The following TERF2 variants were observed in gnomAD, a reference collection of about 807,000 sequenced individuals.
The protein encoded by TERF2 is telomeric repeat binding factor 2.
A neutral mutation model predicts 56.1 loss-of-function variants in TERF2; 16 were observed. That is an observed-to-expected ratio of 0.29 (90% CI 0.19 to 0.43). TERF2 has a LOEUF of 0.43. TERF2 is among the 20% of genes least tolerant of loss of function. The pLI, the probability that TERF2 is intolerant of heterozygous loss-of-function variation, is 1.00. For synonymous variants in TERF2, 296 were observed against 282.1 expected (o/e 1.05, Z -0.50); for missense variants, 547 against 712.9 (o/e 0.77, Z 2.65).
At chr16:69,357,118 C>T in intron 9 of TERF2, 62 bp from the exon 10 acceptor site, 3 of 1,519,312 alleles carry the variant, frequency 2.0e-6, no homozygotes, top group Non-Finnish European at 2.7e-6. Flanking sequence ...ACATTTTCTC[C>T]AATGTAGTGA....
At chr16:69,362,871 A>G (rs941911346) in intron 7 of TERF2, among the ~76,000 whole-genome samples, 1 of 152,072 alleles carries the variant, frequency 6.6e-6, no homozygotes, top group East Asian at 1.9e-4. Flanking sequence ...ATAGAGACAA[A>G]TTTCTGTATT....
chr16:69,367,606 A>G (rs1307403104), intron 6 of TERF2, among the ~76,000 whole-genome samples: 2 of 152,172 alleles, frequency 1.3e-5, no homozygotes, highest in Admixed American at 1.3e-4. Flanking sequence ...AAGGCATGCC[A>G]CACAGTCTTG....
intron 9 of TERF2, 82 bp downstream of exon 9, chr16:69,357,436 G>T (rs769859915): frequency 1.2e-4 from 141 of 1,205,492 alleles, no homozygotes; most frequent in Non-Finnish European, 1.6e-4. Flanking sequence ...TACATAACCA[G>T]TCTATACCTG....
intron 6 of TERF2, 129 bp downstream of exon 6, chr16:69,368,247 G>C: frequency 1.2e-6 from 1 of 819,622 alleles, no homozygotes; most frequent in Non-Finnish European, 1.9e-6. Flanking sequence ...CCAGTGCCTT[G>C]TATGAGTAAC....
chr16:69,368,525 T>C (rs776673070), intron 5 of TERF2, 43 bp from the exon 6 acceptor site: 17 of 1,610,520 alleles, frequency 1.1e-5, no homozygotes, highest in African/African-American at 2.7e-5. Context: ...GGCCACAGAA[T>C]TGCATTAATT....
intron 3 of TERF2, among the ~76,000 whole-genome samples, chr16:69,375,606 A>G (rs2013748807): frequency 6.6e-6 from 1 of 152,168 alleles, no homozygotes; most frequent in African/African-American, 2.4e-5. Flanking sequence ...AACACTTTTT[A>G]TAGTTAGGGT....
intron 3 of TERF2, among the ~76,000 whole-genome samples, chr16:69,378,449 CAAGA>C (rs1156900369): frequency 6.6e-6 from 1 of 152,146 alleles, no homozygotes; most frequent in Non-Finnish European, 1.5e-5. Context: ...GGGGCCAGGG[CAAGA>C]AAGAAGCGAA....
rs1249085240 is a variant in TERF2, at chr16:69,363,278, A to C, written c.1341-1789T>G. Among the ~76,000 whole-genome samples, 4 of 152,194 alleles carry C rather than the reference A, an allele frequency of 2.6e-5. No individual in the cohort carries two copies. In the East Asian group the frequency reaches 5.8e-4, roughly 22 times the overall value. On this transcript the variant is annotated intron_variant, in intron 7 of 9. Transcript: ENST00000254942. ...AACCTCAGTCCCCAGCTGGTCCGTC[A>C]TGTTCCCTGAGTGGCTGTCCTCCCT...
chr16:69,363,298 C>A (rs2013212455), intron 7 of TERF2, among the ~76,000 whole-genome samples: 1 of 152,180 alleles, frequency 6.6e-6, no homozygotes, highest in Admixed American at 6.5e-5. Context: ...AGTGGCTGTC[C>A]TCCCTCCCTG....
rs1328336236 is a variant in TERF2 at position 69,356,278 on chromosome 16, G to C, written c.*620C>G. On this transcript the variant is annotated 3_prime_UTR_variant, in exon 10 of 10. Coordinates refer to ENST00000254942, the MANE Select transcript of TERF2 (RefSeq NM_005652.5). ...AGACTTCACCATTTCCTAGGAGAAG[G>C]TTCTACAGATTACCAGGGATTTAAA... The C allele has an allele frequency of 6.9e-6, 3 of 431,896 alleles. No homozygotes were observed. Among genetic ancestry groups the C allele is most frequent in the African/African-American group, 6.2e-5 (3 of 48,566 alleles). 26.8% of individuals were successfully genotyped at this position (431,896 alleles called of 1,614,324 possible).
intron 6 of TERF2, 34 bp downstream of exon 6, chr16:69,368,341 GT>G (rs1597248040): frequency 4.4e-6 from 7 of 1,604,174 alleles, no homozygotes; most frequent in Non-Finnish European, 6.0e-6. Flanking sequence ...CCACCCTAGT[GT>G]TTTACCCAAG....
intron 3 of TERF2, among the ~76,000 whole-genome samples, chr16:69,379,774 CTAAGA>C (rs1239000101): frequency 6.6e-5 from 10 of 152,050 alleles, no homozygotes; most frequent in Non-Finnish European, 1.3e-4. Context: ...ACGGCATTTA[CTAAGA>C]TAAAAGTTTA....
intron 7 of TERF2, among the ~76,000 whole-genome samples, chr16:69,363,630 G>A (rs1320171292): frequency 6.6e-6 from 1 of 152,150 alleles, no homozygotes; most frequent in African/African-American, 2.4e-5. Context: ...CATGAAGCTT[G>A]GGGTGAGAAT....
At chr16:69,384,816 G>A (rs2014129872) in intron 2 of TERF2, 106 bp from the exon 3 acceptor site, 1 of 1,046,602 alleles carries the variant, frequency 9.6e-7, no homozygotes, top group South Asian at 2.8e-5. Context: ...TGCAAATATG[G>A]TAAGATTTGC....
rs1421691017 is a variant in TERF2, at chr16:69,374,988, TA to T, written c.607-2634del. On this transcript the variant is annotated intron_variant, in intron 3 of 9. Coordinates refer to ENST00000254942, the MANE Select transcript of TERF2 (RefSeq NM_005652.5). ...TCAAAAAACAAGAACAAAAAAGCCG[TA>T]AGTGTGTAGGACTTTTTTTTTAAAG... 8.6e-5 allele frequency among the ~76,000 whole-genome samples: 13 copies of T among 151,972 alleles called. No homozygotes were observed. In the East Asian group the frequency reaches 2.5e-3, roughly 29 times the overall value.
chr16:69,382,655 T>G (rs938922922), intron 3 of TERF2, among the ~76,000 whole-genome samples: 3 of 152,226 alleles, frequency 2.0e-5, no homozygotes, highest in Non-Finnish European at 4.4e-5. Flanking sequence ...GCTGCCATGT[T>G]GCAAGCAGCC....
intron 7 of TERF2, among the ~76,000 whole-genome samples, chr16:69,364,276 G>A (rs543906289): frequency 1.3e-5 from 2 of 152,180 alleles, no homozygotes; most frequent in Non-Finnish European, 2.9e-5. Flanking sequence ...CCTGCTCCCT[G>A]GCAGCGGTCT....
chr16:69,380,323 C>T (rs891678471), intron 3 of TERF2, among the ~76,000 whole-genome samples: 3 of 152,110 alleles, frequency 2.0e-5, no homozygotes, highest in Non-Finnish European at 2.9e-5. Context: ...TTTGATTCTA[C>T]ACGAAACTGC....
Position 69,385,894 on chromosome 16 carries a change from C to T in TERF2, c.78G>A (p.Arg26=), listed in dbSNP as rs2014186779. ...CCCCGCCCTCCCGGCCGGGCCGCTT[C>T]CTCGGCTGTGACGCCGCTGGGTCAC... ...VVRDPAASQP[R]KRPGREGGEG... The change falls in exon 1 of 10, where the codon AGG becomes AGA. Residue 26 remains arginine (R), a synonymous_variant. Transcript: ENST00000254942. The T allele has an allele frequency of 1.5e-6, 2 of 1,379,230 alleles. No homozygotes were observed. The highest frequency in any genetic ancestry group is 3.2e-5 in the South Asian group (2 of 62,856). 85.4% of individuals were successfully genotyped at this position (1,379,230 alleles called of 1,614,324 possible). A position where few individuals can be genotyped will look rare whatever the true frequency, so the allele number is the denominator to read the frequency against.
Sources: allele counts gnomAD v4.1 joint callset (sites outside exome capture counted in the v4.1 genomes callset), GRCh38; gene constraint gnomAD v4.1.1; transcripts MANE v1.5; gene names NCBI Gene and HGNC (gene_info 2026-07-23, HGNC 2026-07-21).